SFRP2: variants seen among roughly 807,000 people sequenced by gnomAD.
The protein encoded by SFRP2 is secreted frizzled-related protein 2.
SFRP2 carries 16 observed loss-of-function variants against 26.0 expected under a neutral mutation model. The ratio of observed to expected loss-of-function variants is 0.61; its 90% CI spans 0.42 to 0.93. SFRP2 has a LOEUF of 0.93. SFRP2 is among the 40% of genes least tolerant of loss of function. SFRP2 has a pLI of 0.00. For missense variants in SFRP2, 343 were observed against 392.4 expected, an observed-to-expected ratio of 0.87 and a Z score of 1.06; for synonymous variants, 173 against 167.3, an observed-to-expected ratio of 1.03 and a Z score of -0.26.
rs772407898 is a variant in SFRP2 at position 153,788,789 on chromosome 4, T to C, written c.47A>G (p.His16Arg). The change falls in exon 1 of 3, where the codon CAC becomes CGC. Residue 16 changes from histidine to arginine, a missense_variant. Around this residue, in one of 2 missense-constraint regions of SFRP2, gnomAD observed 251 missense variants for 253.3 expected, o/e 0.99. Coordinates refer to ENST00000274063, the MANE Select transcript of SFRP2 (RefSeq NM_003013.3). ...GSLLLLFLASHCCLGSARGLF... is the reference protein window; with the variant it reads ...GSLLLLFLASRCCLGSARGLF... ...CCCGCGCGCCGAGCCCAGGCAGCAG[T>C]GCGAGGCGAGGAAGAGCAGCAGCAG... 2.5e-6 allele frequency: 4 copies of C among 1,607,992 alleles called. No individual in the cohort carries two copies. Among genetic ancestry groups the C allele is most frequent in the South Asian group, 2.2e-5 (2 of 91,038 alleles).
intron 2 of SFRP2, among the ~76,000 whole-genome samples, chr4:153,783,799 A>T (rs1741158273): frequency 6.6e-6 from 1 of 152,240 alleles, no homozygotes; most frequent in Non-Finnish European, 1.5e-5. Flanking sequence ...GGCAAGATGG[A>T]ATAGTGCTTA....
intron 1 of SFRP2, among the ~76,000 whole-genome samples, chr4:153,787,411 G>C (rs1741228594): frequency 6.6e-6 from 1 of 152,258 alleles, no homozygotes; most frequent in African/African-American, 2.4e-5. Flanking sequence ...ACTAGAGATT[G>C]AAAGGGAGAG....
At position 153,781,642 on chromosome 4, in the gene SFRP2, T is replaced by C. The variant is rs1741123434; in HGVS notation, c.697A>G (p.Lys233Glu). Residue 233 changes from lysine (K) to glutamate (E), a missense_variant, in exon 3 of 3, where the codon AAG becomes GAG. By Grantham distance (56) the Lys-to-Glu change is moderately conservative. Around this residue, in one of 2 missense-constraint regions of SFRP2, gnomAD observed 92 missense variants for 139.0 expected, o/e 0.66. Transcript: ENST00000274063. ...KLNGVSERDL[K>E]KSVLWLKDSL... is the part of the protein sequence containing the mutation. The stretch of plus-strand genomic sequence containing the variant: ...TCTTTGAGCCACAGCACCGATTTCT[T>C]CAGGTCCCTTTCGGACACACCGTTC... The C allele has an allele frequency of 6.2e-7, 1 of 1,614,068 alleles. No individual in the cohort carries two copies. Among genetic ancestry groups the C allele is most frequent in the African/African-American group, 1.3e-5 (1 of 74,924 alleles).
In SFRP2 at chr4:153,788,853, G is replaced by A. The variant is rs114535404; in HGVS notation, c.-18C>T. ...TGCAGCATCGTGGGCGCGCGACCCCGAGGGGGCAGAGGGAGCGGAGCCGGG... is the reference window on the plus strand; with the variant it reads ...TGCAGCATCGTGGGCGCGCGACCCCAAGGGGGCAGAGGGAGCGGAGCCGGG... On this transcript the variant is annotated 5_prime_UTR_variant, in exon 1 of 3. Coordinates refer to ENST00000274063, the MANE Select transcript of SFRP2 (RefSeq NM_003013.3). The A allele has an allele frequency of 1.5e-4, 229 of 1,559,804 alleles. No homozygotes were observed. The African/African-American group carries it at 2.6e-3, about 18-fold the overall frequency.
rs1741198788 is a variant in SFRP2, at chr4:153,785,908, T to C, written c.539A>G (p.Asp180Gly). 1.2e-6 allele frequency: 2 copies of C among 1,605,076 alleles called. No individual in the cohort carries two copies. The highest frequency in any genetic ancestry group is 1.7e-6 in the Non-Finnish European group (2 of 1,176,206). Residue 180 changes from aspartate to glycine, a missense_variant, in exon 2 of 3, where the codon GAT (aspartate) becomes GGT (glycine). Around this residue, in one of 2 missense-constraint regions of SFRP2, gnomAD observed 251 missense variants for 253.3 expected, o/e 0.99. Coordinates refer to ENST00000274063, the MANE Select transcript of SFRP2 (RefSeq NM_003013.3). ...KVCEACKNKN[D>G]DDNDIMETLC... is the part of the protein sequence containing the mutation. ...CGTTTCCATTATGTCGTTGTCATCATCATTTTTATTTTTGCAGGCTTCACA... is the reference window on the plus strand; with the variant it reads ...CGTTTCCATTATGTCGTTGTCATCACCATTTTTATTTTTGCAGGCTTCACA...
chr4:153,781,807 A>G lies in SFRP2; in HGVS notation c.584-52T>C, dbSNP rs770359121. ...GCCAGTTATAATGAGGGAATACAGTATACCTCCCCCCATTCTGCCAACTCG... is the reference window on the plus strand; with the variant it reads ...GCCAGTTATAATGAGGGAATACAGTGTACCTCCCCCCATTCTGCCAACTCG... On this transcript the variant is annotated intron_variant, in intron 2 of 2. Transcript: ENST00000274063. The G allele has an allele frequency of 2.6e-5, 39 of 1,474,810 alleles. No homozygotes were observed. In the South Asian group the frequency reaches 4.4e-4, roughly 16 times the overall value. The allele number at this position is 1,474,810 out of a possible 1,614,324, so 91.4% of individuals were successfully genotyped here.
intron 1 of SFRP2, among the ~76,000 whole-genome samples, chr4:153,786,456 G>A (rs1224531830): frequency 2.0e-5 from 3 of 151,816 alleles, no homozygotes; most frequent in Admixed American, 6.6e-5. Flanking sequence ...GGCTCTACTC[G>A]GCAGAGCTCT....
chr4:153,788,893 C>T lies in SFRP2; in HGVS notation c.-58G>A. The T allele has an allele frequency of 6.7e-7, 1 of 1,481,652 alleles. No homozygotes were observed. Among genetic ancestry groups the T allele is most frequent in the Non-Finnish European group, 8.9e-7 (1 of 1,120,054 alleles). 91.8% of individuals were successfully genotyped at this position (1,481,652 alleles called of 1,614,324 possible). ...GCGGAGCCGGGGAAGGGCGAGGCGG[C>T]CGGAGTTCGAGCTTGTCCCGGGCCC... On this transcript the variant is annotated 5_prime_UTR_variant, in exon 1 of 3. Transcript: ENST00000274063.
chr4:153,788,437 G>A lies in SFRP2; in HGVS notation c.399C>T (p.Gly133=). ...DRCAPVMSAF[G]FPWPDMLECD... ...ACTCAAGCATGTCGGGCCAGGGGAAGCCGAAGGCGGACATGACCGGGGCGC... is the reference window on the plus strand; with the variant it reads ...ACTCAAGCATGTCGGGCCAGGGGAAACCGAAGGCGGACATGACCGGGGCGC... Residue 133 remains glycine, a synonymous_variant, in exon 1 of 3, where the codon GGC becomes GGT. Coordinates refer to ENST00000274063, the MANE Select transcript of SFRP2 (RefSeq NM_003013.3). 2 of 1,614,180 alleles carry A rather than the reference G, an allele frequency of 1.2e-6. No individual in the cohort carries two copies. Among genetic ancestry groups the A allele is most frequent in the South Asian group, 1.1e-5 (1 of 91,088 alleles).
chr4:153,789,081 G>T lies in SFRP2; in HGVS notation c.-246C>A. 1 of 487,200 alleles carries T rather than the reference G, an allele frequency of 2.1e-6. No homozygotes were observed. The highest frequency in any genetic ancestry group is 3.6e-6 in the Non-Finnish European group (1 of 281,360). 30.2% of individuals were successfully genotyped at this position (487,200 alleles called of 1,614,324 possible). On this transcript the variant is annotated 5_prime_UTR_variant, in exon 1 of 3. Coordinates refer to ENST00000274063, the MANE Select transcript of SFRP2 (RefSeq NM_003013.3). ...GGGGAGCAGAATGAGCCGTTGCTGG[G>T]GCACAGCCAGAGTTTTCTTGGCCTT...
chr4:153,785,789 G>T, intron 2 of SFRP2, 75 bp downstream of exon 2: 1 of 952,264 alleles, frequency 1.1e-6, no homozygotes, highest in Non-Finnish European at 1.6e-6. Flanking sequence ...ACATCATAAT[G>T]ATTTGCACCT....
In SFRP2 at chr4:153,785,575, AG is replaced by A. The variant is rs68122971; in HGVS notation, c.583+288del. On this transcript the variant is annotated intron_variant, in intron 2 of 2. Transcript: ENST00000274063. ...TCGGCAAAAAAAAAAAAAAAAAAAA[AG>A]GGATTTAAAATGTGCCACTGGAAAT... is the stretch of plus-strand genomic sequence containing the variant. Among the ~76,000 whole-genome samples, 25 of 146,488 alleles carry A rather than the reference AG, an allele frequency of 1.7e-4. 1 individual carries two copies. Among genetic ancestry groups the A allele is most frequent in the Non-Finnish European group, 3.3e-4 (22 of 66,912 alleles).
At chr4:153,788,245 A>C in intron 1 of SFRP2, 89 bp downstream of exon 1, 1 of 1,426,640 alleles carries the variant, frequency 7.0e-7, no homozygotes, top group South Asian at 1.3e-5. Context: ...CACCCCAAGC[A>C]GGGATGCACT....
chr4:153,788,692 C>A lies in SFRP2; in HGVS notation c.144G>T (p.Gln48His). ...TCTGGTATTCGATGCCGTGGCACAGCTGCAGGTTGGCAGGGATGGGCTTGC... is the reference window on the plus strand; with the variant it reads ...TCTGGTATTCGATGCCGTGGCACAGATGCAGGTTGGCAGGGATGGGCTTGC... Reference protein sequence around the residue: ...SNCKPIPANLQLCHGIEYQNM... With the variant: ...SNCKPIPANLHLCHGIEYQNM... The change falls in exon 1 of 3, where the codon CAG becomes CAT. Residue 48 changes from glutamine (Q) to histidine (H), a missense_variant. Transcript: ENST00000274063. 6.2e-7 allele frequency: 1 copy of A among 1,614,116 alleles called. No homozygotes were observed. The highest frequency in any genetic ancestry group is 8.5e-7 in the Non-Finnish European group (1 of 1,180,004).
chr4:153,785,554 C>CAAAAAAA (rs369450385), intron 2 of SFRP2, among the ~76,000 whole-genome samples: 6,290 of 45,776 alleles, frequency 0.14, 1,031 homozygotes, highest in Middle Eastern at 0.21. Flanking sequence ...TGCCTGTCGG[C>CAAAAAAA]AAAAAAAAAA....
Position 153,780,719 on chromosome 4 carries a change from C to T in SFRP2, c.*732G>A, listed in dbSNP as rs1215174207. ...TACTATGTATATTACAGGTAAGCTACAATGGGTTTAATTTGCAAAAGTTAA... is the reference window on the plus strand; with the variant it reads ...TACTATGTATATTACAGGTAAGCTATAATGGGTTTAATTTGCAAAAGTTAA... On this transcript the variant is annotated 3_prime_UTR_variant, in exon 3 of 3. Coordinates refer to ENST00000274063, the MANE Select transcript of SFRP2 (RefSeq NM_003013.3). 2 of 152,572 alleles carry T rather than the reference C, an allele frequency of 1.3e-5. No homozygotes were observed. The highest frequency in any genetic ancestry group is 2.1e-4 in the South Asian group (1 of 4,822). 9.5% of individuals were successfully genotyped at this position (152,572 alleles called of 1,614,324 possible).
chr4:153,785,536 C>G (rs988284799), intron 2 of SFRP2, among the ~76,000 whole-genome samples: 4 of 51,014 alleles, frequency 7.8e-5, no homozygotes, highest in Non-Finnish European at 1.5e-4. Flanking sequence ...AAATAGAACT[C>G]GGGATTATGC....
intron 2 of SFRP2, among the ~76,000 whole-genome samples, chr4:153,784,537 C>G (rs935911002): frequency 4.6e-5 from 7 of 152,154 alleles, no homozygotes; most frequent in Non-Finnish European, 1.0e-4. Context: ...GTTCTGGGAC[C>G]AGTCAGAGTT....
At chr4:153,785,553 G>GAAAAAAAAAAAAAAAAAA (rs1741188775) in intron 2 of SFRP2, among the ~76,000 whole-genome samples, 1 of 1,390 alleles carries the variant, frequency 7.2e-4, no homozygotes, top group Non-Finnish European at 1.8e-3. Flanking sequence ...ATGCCTGTCG[G>GAAAAAAAAAAAAAAAAAA]CAAAAAAAAA....
Sources: gnomAD v4.1 joint callset for allele counts (sites outside exome capture counted in the v4.1 genomes callset) on GRCh38, gnomAD v4.1.1 for gene constraint, gnomAD v4.1.1 regional missense constraint, MANE v1.5 for transcripts, NCBI Gene and HGNC (gene_info 2026-07-23, HGNC 2026-07-21) for gene names.